The following MEIS2 variants were observed in gnomAD, a reference collection of about 807,000 sequenced individuals.
MEIS2 encodes Meis homeobox 2, also known as homeobox protein Meis2.
Under a neutral mutation model 58.6 loss-of-function variants are expected in MEIS2, and 9 were observed. The observed-to-expected ratio is 0.15, with a 90% CI of 0.09 to 0.27. The LOEUF is 0.27. Among genes scored for constraint, MEIS2 ranks in the 10% least tolerant of loss-of-function variants. The probability of loss-of-function intolerance (pLI) is 1.00; values close to 1 mark genes in which losing one functional copy is unlikely to be tolerated. For missense variants in MEIS2, 427 were observed against 635.0 expected (o/e 0.67, Z 3.52); for synonymous variants, 221 against 228.4 (o/e 0.97, Z 0.29).
chr15:37,058,795 A>G lies in MEIS2; in HGVS notation c.755-21836T>C, dbSNP rs536624079. On this transcript the variant is annotated intron_variant, in intron 7 of 11. Transcript: ENST00000561208. The stretch of plus-strand genomic sequence containing the variant: ...CACCACTTTTACTGGGCATATTATG[A>G]GGAAAAATAACTGCCAGAGGACATG... 4.6e-5 allele frequency among the ~76,000 whole-genome samples: 7 copies of G among 152,360 alleles called. No homozygotes were observed. In the South Asian group the frequency reaches 1.4e-3, roughly 32 times the overall value.
intron 8 of MEIS2, among the ~76,000 whole-genome samples, chr15:37,018,483 G>A (rs942973131): frequency 2.6e-5 from 4 of 152,148 alleles, no homozygotes; most frequent in Non-Finnish European, 5.9e-5. Context: ...TTAAAGTAGT[G>A]TTGGTTTTTG....
At chr15:36,896,947 C>T (rs1303353589) in intron 9 of MEIS2, 3 of 375,790 alleles carry the variant, frequency 8.0e-6, no homozygotes, top group Non-Finnish European at 1.5e-5. Context: ...CTTCTATTAA[C>T]TTCAAATTGT....
At chr15:37,059,083 G>A (rs990655638) in intron 7 of MEIS2, among the ~76,000 whole-genome samples, 3 of 152,144 alleles carry the variant, frequency 2.0e-5, no homozygotes, top group African/African-American at 4.8e-5. Context: ...AAACAAAAAC[G>A]AGGAGATAAG....
intron 8 of MEIS2, 112 bp from the exon 9 acceptor site, chr15:36,950,512 C>T (rs957392238): frequency 2.0e-6 from 2 of 979,158 alleles, no homozygotes; most frequent in African/African-American, 3.3e-5. Context: ...CTTGATTTTC[C>T]TACTTGCATC....
At chr15:36,896,435 T>G (rs1442171602) in intron 10 of MEIS2, among the ~76,000 whole-genome samples, 193 bp downstream of exon 10, 1 of 151,786 alleles carries the variant, frequency 6.6e-6, no homozygotes, top group African/African-American at 2.4e-5. Context: ...GTCAGTAGAG[T>G]CAGGGTGGGA....
At chr15:37,084,535 TA>T (rs796205894) in intron 6 of MEIS2, among the ~76,000 whole-genome samples, 1 of 151,926 alleles carries the variant, frequency 6.6e-6, no homozygotes, top group Non-Finnish European at 1.5e-5. Flanking sequence ...AGAAATAATT[TA>T]AAAAAAGGAA....
intron 8 of MEIS2, among the ~76,000 whole-genome samples, chr15:36,965,533 T>G (rs1178997589): frequency 2.6e-5 from 4 of 152,158 alleles, no homozygotes; most frequent in Non-Finnish European, 5.9e-5. Flanking sequence ...TTTAACAAAA[T>G]TGCCTAAAGA....
At chr15:37,086,823 T>A (rs1892951841) in intron 6 of MEIS2, among the ~76,000 whole-genome samples, 1 of 152,220 alleles carries the variant, frequency 6.6e-6, no homozygotes, top group Non-Finnish European at 1.5e-5. Flanking sequence ...CAAATACAAA[T>A]GTTGATAATC....
In MEIS2 at chr15:36,982,056, T is replaced by C. The variant is rs183095225; in HGVS notation, c.901-31656A>G. The stretch of plus-strand genomic sequence containing the variant: ...GAACTGAATTATGCCATCACTTTCC[T>C]GTTTCTCCAACTTGCAGATGGTATA... On this transcript the variant is annotated intron_variant, in intron 8 of 11. Coordinates refer to ENST00000561208, the MANE Select transcript of MEIS2 (RefSeq NM_170675.5). Among the ~76,000 whole-genome samples, 18 of 152,276 alleles carry C rather than the reference T, an allele frequency of 1.2e-4. No individual in the cohort carries two copies. The East Asian group carries it at 3.3e-3, about 28-fold the overall frequency.
intron 7 of MEIS2, among the ~76,000 whole-genome samples, chr15:37,080,549 T>C (rs1262773044): frequency 1.3e-5 from 2 of 152,164 alleles, no homozygotes; most frequent in Non-Finnish European, 2.9e-5. Flanking sequence ...CACAGTGAAA[T>C]ACAAAGCAGC....
chr15:36,916,299 C>T (rs368611450), intron 9 of MEIS2, among the ~76,000 whole-genome samples: 257 of 151,916 alleles, frequency 1.7e-3, no homozygotes, highest in Non-Finnish European at 3.1e-3. Context: ...TGGTGGCGGG[C>T]GCCTGCAGTC....
At chr15:36,972,445 A>T (rs1422785875) in intron 8 of MEIS2, among the ~76,000 whole-genome samples, 2 of 152,096 alleles carry the variant, frequency 1.3e-5, no homozygotes, top group Non-Finnish European at 2.9e-5. Flanking sequence ...AATGTTTATC[A>T]TGGCCTTCAA....
intron 8 of MEIS2, among the ~76,000 whole-genome samples, chr15:37,007,712 T>G (rs1020457300): frequency 4.6e-5 from 7 of 152,236 alleles, no homozygotes; most frequent in African/African-American, 1.7e-4. Context: ...ACCACTGATT[T>G]AGAAAATTCT....
At chr15:37,010,486 G>C (rs2061106763) in intron 8 of MEIS2, among the ~76,000 whole-genome samples, 1 of 152,120 alleles carries the variant, frequency 6.6e-6, no homozygotes, top group African/African-American at 2.4e-5. Flanking sequence ...GGGCTCAAGA[G>C]ATCCTCACCC....
chr15:37,062,270 A>G (rs1211043567), intron 7 of MEIS2, among the ~76,000 whole-genome samples: 1 of 152,170 alleles, frequency 6.6e-6, no homozygotes, highest in East Asian at 1.9e-4. Context: ...CAGCCTAGGA[A>G]CAGCAGGGGC....
intron 8 of MEIS2, among the ~76,000 whole-genome samples, chr15:36,986,633 C>A (rs2060101083): frequency 1.3e-5 from 2 of 152,174 alleles, no homozygotes; most frequent in Non-Finnish European, 2.9e-5. Flanking sequence ...TCAATCCCAG[C>A]ACTAGCTGGG....
intron 8 of MEIS2, among the ~76,000 whole-genome samples, chr15:36,987,407 C>CAA (rs71126250): frequency 5.8e-4 from 67 of 115,834 alleles, no homozygotes; most frequent in African/African-American, 2.0e-3. Context: ...GACCCTGTCT[C>CAA]AAAAAAAAAA....
At chr15:36,995,953 T>TGA (rs2060478538) in intron 8 of MEIS2, among the ~76,000 whole-genome samples, 2 of 118,950 alleles carry the variant, frequency 1.7e-5, no homozygotes, top group Non-Finnish European at 3.3e-5. Context: ...TCCTCTAGTC[T>TGA]GAGATATATA....
intron 8 of MEIS2, among the ~76,000 whole-genome samples, chr15:37,010,859 G>A (rs1253788826): frequency 6.6e-6 from 1 of 152,174 alleles, no homozygotes; most frequent in East Asian, 1.9e-4. Context: ...CAAGAAAAAT[G>A]TCTAATTCAC....
Sources: allele counts gnomAD v4.1 joint callset (sites outside exome capture counted in the v4.1 genomes callset), GRCh38; gene constraint gnomAD v4.1.1; transcripts MANE v1.5; gene names NCBI Gene and HGNC (gene_info 2026-07-23, HGNC 2026-07-21).